Variants in CRYM observed in about 807,000 individuals in gnomAD.
CRYM encodes the protein ketimine reductase mu-crystallin.
In CRYM, 18 loss-of-function variants were observed where a neutral mutation model predicts 32.9. That is an observed-to-expected ratio of 0.55 (90% CI 0.38 to 0.81). CRYM has a LOEUF of 0.81. CRYM is among the 30% of genes least tolerant of loss of function. CRYM has a pLI of 0.00. For synonymous variants in CRYM, 153 were observed against 152.4 expected (o/e 1.00, Z -0.03); for missense variants, 337 against 393.5 (o/e 0.86, Z 1.21).
At chr16:21,285,210 T>C (rs1349111068) in intron 1 of CRYM, among the ~76,000 whole-genome samples, 2 of 152,250 alleles carry the variant, frequency 1.3e-5, no homozygotes, top group African/African-American at 4.8e-5. Context: ...ACTTGGGGCT[T>C]ATGATACTTC....
At chr16:21,269,709 C>A in intron 4 of CRYM, 81 bp downstream of exon 4, 1 of 920,818 alleles carries the variant, frequency 1.1e-6, no homozygotes, top group Non-Finnish European at 1.8e-6. Context: ...TTCAGAATAA[C>A]CTGTGGTGCA....
At chr16:21,274,022 C>T (rs1351202067) in intron 3 of CRYM, among the ~76,000 whole-genome samples, 4 of 147,216 alleles carry the variant, frequency 2.7e-5, no homozygotes, top group Admixed American at 7.6e-5. Context: ...TAGAAAACCT[C>T]GACATGCAAC....
At chr16:21,264,962 T>C (rs2093361171) in intron 5 of CRYM, among the ~76,000 whole-genome samples, 1 of 152,130 alleles carries the variant, frequency 6.6e-6, no homozygotes, top group Non-Finnish European at 1.5e-5. Flanking sequence ...GCCCAATTTC[T>C]TTTTTGTGAG....
At chr16:21,285,652 C>G (rs2093406091) in intron 1 of CRYM, among the ~76,000 whole-genome samples, 1 of 152,166 alleles carries the variant, frequency 6.6e-6, no homozygotes, top group Non-Finnish European at 1.5e-5. Flanking sequence ...TAATTATGTC[C>G]TGTTATAAAA....
At chr16:21,259,210 T>C (rs1402980319) in intron 7 of CRYM, among the ~76,000 whole-genome samples, 1 of 151,974 alleles carries the variant, frequency 6.6e-6, no homozygotes, top group African/African-American at 2.4e-5. Flanking sequence ...GTGATTCTCC[T>C]GCCTCAGCCT....
rs184959971 is a variant in CRYM at position 21,274,795 on chromosome 16, G to A, written c.387+737C>T. On this transcript the variant is annotated intron_variant, in intron 3 of 7. Transcript: ENST00000572914. ...TAATTTTTGTGTTTTTACAAGAGAC[G>A]AGGTTTCACCATGTTGACCAGGCTG... 3.8e-3 allele frequency among the ~76,000 whole-genome samples: 575 copies of A among 152,128 alleles called. 2 individuals are homozygous for A. Among genetic ancestry groups the A allele is most frequent in the Non-Finnish European group, 5.3e-3 (357 of 67,998 alleles).
Position 21,277,702 on chromosome 16 carries a change from GC to G in CRYM, c.171-119del, listed in dbSNP as rs2093389809. On this transcript the variant is annotated intron_variant, in intron 1 of 7. Transcript: ENST00000572914. The surrounding 1 kb of genome is among the most constrained non-coding windows in gnomAD (Gnocchi z 4.2). Reference sequence around the variant, plus strand: ...TCACCACCCCACTGGCCCTCTTCCAGCCCCCGCATCCCTCTGCCCTTCCCTT... The same window carrying G: ...TCACCACCCCACTGGCCCTCTTCCAGCCCCGCATCCCTCTGCCCTTCCCTT... The G allele has an allele frequency of 3.6e-6, 4 of 1,122,442 alleles. No homozygotes were observed. The African/African-American group carries it at 4.6e-5, about 13-fold the overall frequency. The allele number at this position is 1,122,442 out of a possible 1,614,324, so 69.5% of individuals were successfully genotyped here. A position where few individuals can be genotyped will look rare whatever the true frequency, so the allele number is the denominator to read the frequency against.
At chr16:21,269,077 G>A (rs980459911) in intron 4 of CRYM, among the ~76,000 whole-genome samples, 4 of 150,838 alleles carry the variant, frequency 2.7e-5, no homozygotes, top group Admixed American at 2.0e-4. Context: ...CCAGGAGATG[G>A]AGGTTGCAGT....
chr16:21,269,981 G>T (rs777455025), intron 3 of CRYM, 90 bp from the exon 4 acceptor site: 34 of 864,278 alleles, frequency 3.9e-5, no homozygotes, highest in Non-Finnish European at 6.3e-5. Context: ...GGTGACTTCT[G>T]CCCTCTCTTC....
intron 3 of CRYM, among the ~76,000 whole-genome samples, chr16:21,272,921 G>T (rs1597619050): frequency 7.2e-6 from 1 of 139,162 alleles, no homozygotes; most frequent in East Asian, 2.2e-4. Flanking sequence ...GCCTGCCTCA[G>T]CCTCCCAAAG....
chr16:21,292,794 A>C (rs895475481), intron 1 of CRYM, among the ~76,000 whole-genome samples: 1 of 152,102 alleles, frequency 6.6e-6, no homozygotes, highest in African/African-American at 2.4e-5. Context: ...TCACACATGT[A>C]TGGCCAATTG....
intron 1 of CRYM, chr16:21,284,196 G>A (rs2093403606): frequency 6.6e-6 from 1 of 151,882 alleles, no homozygotes; most frequent in South Asian, 2.1e-4. Context: ...GAGCGGTGTA[G>A]TCAATTTTGG....
intron 1 of CRYM, among the ~76,000 whole-genome samples, chr16:21,290,845 T>A (rs1029256601): frequency 1.3e-5 from 2 of 152,096 alleles, no homozygotes; most frequent in Non-Finnish European, 1.5e-5. Context: ...TAGGCTACAT[T>A]TCCTATCACA....
At chr16:21,279,776 C>T (rs1249688049), upstream of CRYM, among the ~76,000 whole-genome samples, 1 of 152,134 alleles carries the variant, frequency 6.6e-6, no homozygotes, top group Non-Finnish European at 1.5e-5. Context: ...ATGGTCACAT[C>T]ATGATAAAAG....
chr16:21,276,318 C>A (rs1329510253), intron 2 of CRYM, among the ~76,000 whole-genome samples: 1 of 152,122 alleles, frequency 6.6e-6, no homozygotes, highest in East Asian at 1.9e-4. Context: ...GGGTTCTACC[C>A]CCCTAGGGAA....
At chr16:21,290,280 C>T (rs146130505) in intron 1 of CRYM, among the ~76,000 whole-genome samples, 3 of 152,316 alleles carry the variant, frequency 2.0e-5, no homozygotes, top group African/African-American at 4.8e-5. Flanking sequence ...TTGTAGGCTT[C>T]ATTCCTTAAG....
chr16:21,298,907 C>T (rs888750067), intron 1 of CRYM, among the ~76,000 whole-genome samples: 3 of 152,046 alleles, frequency 2.0e-5, no homozygotes, highest in African/African-American at 7.2e-5. Context: ...ATTTTTAATC[C>T]CAGTTAATTT....
At chr16:21,276,331 G>A (rs753125543) in intron 2 of CRYM, among the ~76,000 whole-genome samples, 26 of 152,178 alleles carry the variant, frequency 1.7e-4, no homozygotes, top group South Asian at 4.1e-4. Flanking sequence ...CTAGGGAACC[G>A]CTGTTGGCAG....
At chr16:21,290,168 T>C (rs1328406415) in intron 1 of CRYM, among the ~76,000 whole-genome samples, 1 of 152,150 alleles carries the variant, frequency 6.6e-6, no homozygotes, top group Non-Finnish European at 1.5e-5. Flanking sequence ...TCCCCTTCCA[T>C]GCTGTGGGAA....
Sources: allele counts gnomAD v4.1 joint callset (sites outside exome capture counted in the v4.1 genomes callset), GRCh38; gene constraint gnomAD v4.1.1; non-coding constraint Gnocchi (gnomAD v3.1); transcripts MANE v1.5; gene names NCBI Gene and HGNC (gene_info 2026-07-23, HGNC 2026-07-21).